The following ARHGEF10L variants were observed in gnomAD, a reference collection of about 807,000 sequenced individuals.
ARHGEF10L encodes the protein rho guanine nucleotide exchange factor 10-like protein.
In ARHGEF10L, 69 loss-of-function variants were observed where a neutral mutation model predicts 141.2. The ratio of observed to expected loss-of-function variants is 0.49; its 90% CI spans 0.40 to 0.60. The LOEUF is 0.60. Among genes scored for constraint, ARHGEF10L ranks in the 20% least tolerant of loss-of-function variants. The probability of loss-of-function intolerance (pLI) is 0.00; values close to 1 mark genes in which losing one functional copy is unlikely to be tolerated. For synonymous variants in ARHGEF10L, 711 were observed against 718.5 expected (o/e 0.99, Z 0.17); for missense variants, 1,482 against 1,734.3 (o/e 0.85, Z 2.58).
In ARHGEF10L at chr1:17,647,850, C is replaced by T. The variant is rs189674556; in HGVS notation, c.2273-704C>T. On this transcript the variant is annotated intron_variant, in intron 21 of 28. Coordinates refer to ENST00000361221, the MANE Select transcript of ARHGEF10L (RefSeq NM_018125.4). The stretch of plus-strand genomic sequence containing the variant: ...CATGTAAAGGAGCCTCCACAGAGAA[C>T]GAGGTTTAGCAGATGCTCTTTAGCA... Among the ~76,000 whole-genome samples the T allele has an allele frequency of 7.9e-5, 12 of 152,196 alleles. No individual in the cohort carries two copies. In the East Asian group the frequency reaches 2.3e-3, roughly 29 times the overall value.
At chr1:17,682,041 A>T (rs2064167060) in intron 26 of ARHGEF10L, among the ~76,000 whole-genome samples, 2 of 150,638 alleles carry the variant, frequency 1.3e-5, no homozygotes, top group South Asian at 2.1e-4. Flanking sequence ...ATTATTTTTG[A>T]TGTTCACATT....
At chr1:17,637,642 G>A (rs1212522583) in intron 18 of ARHGEF10L, among the ~76,000 whole-genome samples, 1 of 152,048 alleles carries the variant, frequency 6.6e-6, no homozygotes, top group Non-Finnish European at 1.5e-5. Context: ...GGTACTACAG[G>A]TGCCCGCCAC....
intron 26 of ARHGEF10L, among the ~76,000 whole-genome samples, chr1:17,682,864 G>A (rs1364211627): frequency 1.3e-5 from 2 of 152,180 alleles, no homozygotes; most frequent in Non-Finnish European, 2.9e-5. Context: ...GAGGGCACAG[G>A]TCTGGAGGTG....
At chr1:17,591,102 G>A (rs2079502205) in intron 4 of ARHGEF10L, among the ~76,000 whole-genome samples, 1 of 152,214 alleles carries the variant, frequency 6.6e-6, no homozygotes, top group Admixed American at 6.5e-5. Flanking sequence ...GGCAGCTGTA[G>A]AGGCCAAGAC....
chr1:17,524,213 C>T, the ARHGEF10L span, among the ~76,000 whole-genome samples: 192 of 151,260 alleles, frequency 1.3e-3, 2 homozygotes, highest in Middle Eastern at 3.4e-3. Context: ...GTGGAGGTTG[C>T]AGTGAGCTGA....
At position 17,580,587 on chromosome 1, in the gene ARHGEF10L, C is replaced by T. The variant is rs753973988; in HGVS notation, c.-9C>T. 1 of 1,614,176 alleles carries T rather than the reference C, an allele frequency of 6.2e-7. No individual in the cohort carries two copies. The highest frequency in any genetic ancestry group is 1.1e-5 in the South Asian group (1 of 91,084). On this transcript the variant is annotated 5_prime_UTR_variant, in exon 2 of 29. Coordinates refer to ENST00000361221, the MANE Select transcript of ARHGEF10L (RefSeq NM_018125.4). ...TGGGACGGTGCTGGTCTGAGCTGGA[C>T]CTTGTCTGATGGCTTCCTCCAACCC...
chr1:17,611,556 CCATCCATCCATCCATCCATCCACT>C (rs1466939306), intron 7 of ARHGEF10L, among the ~76,000 whole-genome samples: 1 of 152,028 alleles, frequency 6.6e-6, no homozygotes. Flanking sequence ...ATCCATCCAT[CCATCCATCCATCCATCCATCCACT>C]CATCCATTCA....
At chr1:17,695,684 TAGATC>T (rs1410526597) in intron 28 of ARHGEF10L, among the ~76,000 whole-genome samples, 3 of 152,180 alleles carry the variant, frequency 2.0e-5, no homozygotes, top group African/African-American at 7.2e-5. Flanking sequence ...TGTGTTCACA[TAGATC>T]AGAGGAAGGT....
intron 23 of ARHGEF10L, among the ~76,000 whole-genome samples, chr1:17,655,410 A>C (rs1235665889): frequency 6.6e-6 from 1 of 151,484 alleles, no homozygotes; most frequent in Admixed American, 6.6e-5. Flanking sequence ...TCACCGATAC[A>C]TCCTTCCATC....
upstream of ARHGEF10L, among the ~76,000 whole-genome samples, chr1:17,537,854 C>CATAAAAAAA (rs2076598089): frequency 1.3e-5 from 1 of 79,844 alleles, no homozygotes; most frequent in Non-Finnish European, 2.4e-5. Flanking sequence ...ACCATCTCTA[C>CATAAAAAAA]AAAAAAAAAA....
intron 4 of ARHGEF10L, among the ~76,000 whole-genome samples, chr1:17,592,509 C>A (rs144849203): frequency 6.6e-6 from 1 of 152,142 alleles, no homozygotes; most frequent in South Asian, 2.1e-4. Flanking sequence ...GACTCATCTT[C>A]CCTGGATGTA....
chr1:17,532,734 ACAGGCACAGACCAC>A, the ARHGEF10L span, among the ~76,000 whole-genome samples: 2 of 151,786 alleles, frequency 1.3e-5, no homozygotes, highest in Admixed American at 6.6e-5. Context: ...AGCTGGGACT[ACAGGCACAGACCAC>A]CATGCCCAGC....
rs746824462 is a variant in ARHGEF10L, at chr1:17,632,415, G to A, written c.1679G>A (p.Arg560His). The A allele has an allele frequency of 5.6e-6, 9 of 1,614,060 alleles. No homozygotes were observed. Among genetic ancestry groups the A allele is most frequent in the African/African-American group, 2.7e-5 (2 of 74,932 alleles). The change falls in exon 16 of 29, where the codon CGT becomes CAT. Residue 560 changes from arginine to histidine, a missense_variant. Arg to His is a conservative substitution (Grantham distance 29). This residue lies in a region of ARHGEF10L where 392 missense variants were observed against 542.1 expected (regional missense o/e 0.72). Transcript: ENST00000361221. ...GGGCAGCTAATTAAGTCCAAGGAGC[G>A]TCGGGTCTTCCTGCTCAACGACATG... Reference protein sequence around the residue: ...DRGQLIKSKERRVFLLNDMLV... With the variant: ...DRGQLIKSKEHRVFLLNDMLV...
intron 6 of ARHGEF10L, among the ~76,000 whole-genome samples, chr1:17,606,273 C>G (rs947085845): frequency 2.0e-5 from 3 of 152,066 alleles, no homozygotes; most frequent in African/African-American, 7.2e-5. Context: ...CGTTTCTGAG[C>G]AGATTTCTTT....
rs1381781857 is a variant in ARHGEF10L, at chr1:17,619,428, G to A, written c.925G>A (p.Gly309Ser). 4 of 1,609,814 alleles carry A rather than the reference G, an allele frequency of 2.5e-6. No individual in the cohort carries two copies. The highest frequency in any genetic ancestry group is 3.4e-6 in the Non-Finnish European group (4 of 1,178,700). ...CCCAGAGCTGGGCCCCATGCCAGAG[G>A]GCCTGAGCCCTCAGCAGGTCTGTGG... is the stretch of plus-strand genomic sequence containing the variant. Reference protein sequence around the residue: ...PAPELGPMPEGLSPQQVVRRH... With the variant: ...PAPELGPMPESLSPQQVVRRH... Residue 309 changes from glycine (G) to serine (S), a missense_variant, in exon 10 of 29, where the codon GGC becomes AGC. By Grantham distance (56) the Gly-to-Ser change is moderately conservative. This residue lies in a region of ARHGEF10L where 392 missense variants were observed against 542.1 expected (regional missense o/e 0.72). Transcript: ENST00000361221. This position sits in a 1 kb window ranked among gnomAD's most constrained non-coding sequence, Gnocchi z 5.0.
intron 1 of ARHGEF10L, among the ~76,000 whole-genome samples, chr1:17,564,413 C>T (rs1162297759): frequency 6.6e-6 from 1 of 152,156 alleles, no homozygotes; most frequent in African/African-American, 2.4e-5. Context: ...TCTGAGTCCC[C>T]CAAGTTCTCC....
chr1:17,671,175 C>T (rs1054124201), intron 26 of ARHGEF10L, among the ~76,000 whole-genome samples: 12 of 152,224 alleles, frequency 7.9e-5, no homozygotes, highest in East Asian at 1.9e-4. Context: ...TCCTCCGCCA[C>T]GGCGGAGCCG....
chr1:17,545,763 A>C (rs547305886), intron 1 of ARHGEF10L, among the ~76,000 whole-genome samples: 1 of 152,238 alleles, frequency 6.6e-6, no homozygotes, highest in East Asian at 1.9e-4. Context: ...ACATCCTGTG[A>C]TCTCTGGTTG....
chr1:17,655,735 C>T, intron 23 of ARHGEF10L, 144 bp from the exon 24 acceptor site: 1 of 732,670 alleles, frequency 1.4e-6, no homozygotes, highest in Non-Finnish European at 2.2e-6. Context: ...GGATAAATGA[C>T]CTTTGTGAAG....
Sources: allele counts gnomAD v4.1 joint callset (sites outside exome capture counted in the v4.1 genomes callset), GRCh38; gene constraint gnomAD v4.1.1; regional missense constraint gnomAD v4.1.1; non-coding constraint Gnocchi (gnomAD v3.1); transcripts MANE v1.5; gene names NCBI Gene and HGNC (gene_info 2026-07-23, HGNC 2026-07-21).